WDFY3: variants seen among roughly 807,000 people sequenced by gnomAD.
WDFY3 encodes WD repeat and FYVE domain-containing protein 3.
Under a neutral mutation model 409.6 loss-of-function variants are expected in WDFY3, and 66 were observed. That is an observed-to-expected ratio of 0.16 (90% CI 0.13 to 0.20). WDFY3 has a LOEUF of 0.20. WDFY3 is among the 10% of genes least tolerant of loss of function. The pLI, the probability that WDFY3 is intolerant of heterozygous loss-of-function variation, is 1.00. For missense variants in WDFY3, 3,031 were observed against 4,298.1 expected, an observed-to-expected ratio of 0.71 and a Z score of 8.24; for synonymous variants, 1,521 against 1,537.1, an observed-to-expected ratio of 0.99 and a Z score of 0.25.
chr4:84,731,169 G>A (rs1180933643), intron 44 of WDFY3, among the ~76,000 whole-genome samples: 1 of 152,162 alleles, frequency 6.6e-6, no homozygotes, highest in Non-Finnish European at 1.5e-5. Flanking sequence ...TGGGCCATAT[G>A]TGACCTGTGG....
At chr4:84,741,644 T>C in intron 38 of WDFY3, 117 bp downstream of exon 38, 1 of 1,222,942 alleles carries the variant, frequency 8.2e-7, no homozygotes, top group Non-Finnish European at 1.1e-6. Context: ...TAAGCTTAGC[T>C]TTTTCTTAAA....
At chr4:84,833,276 A>C (rs17368964) in intron 7 of WDFY3, among the ~76,000 whole-genome samples, 4,038 of 152,270 alleles carry the variant, frequency 0.027, 82 homozygotes, top group South Asian at 0.042. Context: ...TTTCTCATCT[A>C]AGTATTTTTT....
rs71597394 is a variant in WDFY3 at position 84,966,274 on chromosome 4, C to G, written c.-291G>C. On this transcript the variant is annotated 5_prime_UTR_variant, in exon 1 of 68. Transcript: ENST00000295888. ...GACGGGACCGCGGCGGGCCGGGGCTCCGCGCCGAGGGCGCACGGGCTACGG... is the reference window on the plus strand; with the variant it reads ...GACGGGACCGCGGCGGGCCGGGGCTGCGCGCCGAGGGCGCACGGGCTACGG... The G allele has an allele frequency of 0.37, 55,673 of 149,522 alleles. 10,554 individuals carry two copies. The highest frequency in any genetic ancestry group is 0.46 in the Admixed American group (6,932 of 15,052). 9.3% of individuals were successfully genotyped at this position (149,522 alleles called of 1,614,324 possible). A position where few individuals can be genotyped will look rare whatever the true frequency, so the allele number is the denominator to read the frequency against.
intron 32 of WDFY3, among the ~76,000 whole-genome samples, chr4:84,761,811 C>T (rs1336558126): frequency 6.6e-6 from 1 of 152,154 alleles, no homozygotes; most frequent in African/African-American, 2.4e-5. Context: ...AGGACATGAA[C>T]AGACACTTCT....
chr4:84,670,300 G>A lies in WDFY3; in HGVS notation c.*2568C>T, dbSNP rs564873838. 2.6e-5 allele frequency: 4 copies of A among 152,724 alleles called. No homozygotes were observed. The South Asian group carries it at 8.3e-4, about 32-fold the overall frequency. The allele number at this position is 152,724 out of a possible 1,614,324, so 9.5% of individuals were successfully genotyped here. A position where few individuals can be genotyped will look rare whatever the true frequency, so the allele number is the denominator to read the frequency against. On this transcript the variant is annotated 3_prime_UTR_variant, in exon 68 of 68. Coordinates refer to ENST00000295888, the MANE Select transcript of WDFY3 (RefSeq NM_014991.6). ...AGAAAAAGAATGCAGACCATACTAAGGTAGATGTACATGTTGACAATAGAT... is the reference window on the plus strand; with the variant it reads ...AGAAAAAGAATGCAGACCATACTAAAGTAGATGTACATGTTGACAATAGAT...
intron 27 of WDFY3, 93 bp downstream of exon 27, chr4:84,778,410 T>C (rs1745920709): frequency 8.2e-7 from 1 of 1,212,298 alleles, no homozygotes; most frequent in African/African-American, 1.6e-5. Context: ...TATAGGGCTT[T>C]AAACACATTT....
At chr4:84,853,947 C>T (rs1759396965) in intron 4 of WDFY3, among the ~76,000 whole-genome samples, 1 of 152,092 alleles carries the variant, frequency 6.6e-6, no homozygotes, top group Non-Finnish European at 1.5e-5. Context: ...GTAAATAAAA[C>T]AAATATGATT....
At chr4:84,911,631 AT>A (rs1296116920) in intron 2 of WDFY3, among the ~76,000 whole-genome samples, 1 of 152,204 alleles carries the variant, frequency 6.6e-6, no homozygotes, top group Non-Finnish European at 1.5e-5. Flanking sequence ...TATATTTGAA[AT>A]TTTTTGGAGA....
At chr4:84,917,240 A>G (rs1392403813) in intron 2 of WDFY3, among the ~76,000 whole-genome samples, 1 of 152,188 alleles carries the variant, frequency 6.6e-6, no homozygotes, top group African/African-American at 2.4e-5. Context: ...AAGTTACAGA[A>G]GCCTAAAAGA....
At chr4:84,875,883 T>C (rs970407351) in intron 3 of WDFY3, among the ~76,000 whole-genome samples, 3 of 152,196 alleles carry the variant, frequency 2.0e-5, no homozygotes, top group Admixed American at 1.3e-4. Context: ...ATGATAACAA[T>C]GCCTTCTTCT....
At position 84,717,690 on chromosome 4, in the gene WDFY3, C is replaced by G. The variant is rs573450700; in HGVS notation, c.7755-674G>C. Among the ~76,000 whole-genome samples the G allele has an allele frequency of 1.6e-4, 24 of 152,280 alleles. No individual in the cohort carries two copies. In the South Asian group the frequency reaches 5.0e-3, roughly 32 times the overall value. ...TAGAAGAAAAGGAAGATGCCTACAA[C>G]TCAGTCAGTAAATCTCTGCTAATGC... is the stretch of plus-strand genomic sequence containing the variant. On this transcript the variant is annotated intron_variant, in intron 48 of 67. Coordinates refer to ENST00000295888, the MANE Select transcript of WDFY3 (RefSeq NM_014991.6).
chr4:84,814,003 C>T (rs935715900), intron 13 of WDFY3, among the ~76,000 whole-genome samples: 8 of 151,996 alleles, frequency 5.3e-5, no homozygotes, highest in African/African-American at 1.9e-4. Context: ...GAAAGAAATG[C>T]TATTTTTTCA....
intron 67 of WDFY3, among the ~76,000 whole-genome samples, chr4:84,674,759 T>C: frequency 6.6e-6 from 1 of 151,100 alleles, no homozygotes; most frequent in Non-Finnish European, 1.5e-5. Flanking sequence ...TCCCAGCTAC[T>C]CAGGAAGCTG....
At chr4:84,805,190 G>T (rs1400229795) in intron 15 of WDFY3, among the ~76,000 whole-genome samples, 1 of 151,974 alleles carries the variant, frequency 6.6e-6, no homozygotes, top group Non-Finnish European at 1.5e-5. Flanking sequence ...CTGGACTTGG[G>T]TCCCATACTC....
intron 36 of WDFY3, among the ~76,000 whole-genome samples, chr4:84,744,710 G>A (rs1048229403): frequency 2.3e-4 from 35 of 150,676 alleles, no homozygotes; most frequent in African/African-American, 7.8e-4. Context: ...AAAATTAGCC[G>A]GGCGTAGTGG....
intron 23 of WDFY3, among the ~76,000 whole-genome samples, chr4:84,787,158 T>C (rs1747699326): frequency 6.6e-6 from 1 of 152,164 alleles, no homozygotes; most frequent in Non-Finnish European, 1.5e-5. Context: ...TGGCTATACT[T>C]TAAACTGCTT....
At chr4:84,946,698 C>T (rs1036537958) in intron 1 of WDFY3, among the ~76,000 whole-genome samples, 1 of 152,186 alleles carries the variant, frequency 6.6e-6, no homozygotes, top group Non-Finnish European at 1.5e-5. Flanking sequence ...TTGGGAATGA[C>T]CCCCAGCACC....
chr4:84,718,832 G>A (rs1318588815), intron 47 of WDFY3, among the ~76,000 whole-genome samples: 1 of 152,132 alleles, frequency 6.6e-6, no homozygotes, highest in African/African-American at 2.4e-5. Context: ...ACATGCGCTA[G>A]CTTCTAAAAG....
At chr4:84,753,461 T>C (rs962648217) in intron 35 of WDFY3, among the ~76,000 whole-genome samples, 3 of 152,140 alleles carry the variant, frequency 2.0e-5, no homozygotes, top group Non-Finnish European at 2.9e-5. Flanking sequence ...TACAAGAATA[T>C]GGTGAATGAG....
Sources: gnomAD v4.1 joint callset for allele counts (sites outside exome capture counted in the v4.1 genomes callset) on GRCh38, gnomAD v4.1.1 for gene constraint, MANE v1.5 for transcripts, NCBI Gene and HGNC (gene_info 2026-07-23, HGNC 2026-07-21) for gene names.